Variants in CDH18 observed in about 807,000 individuals in gnomAD.
The protein encoded by CDH18 is cadherin 18.
Under a neutral mutation model 67.9 loss-of-function variants are expected in CDH18, and 31 were observed. The ratio of observed to expected loss-of-function variants is 0.46; its 90% CI spans 0.34 to 0.62. The LOEUF is 0.62. Among genes scored for constraint, CDH18 ranks in the 20% least tolerant of loss-of-function variants. The pLI is 0.01. For missense variants in CDH18, 890 were observed against 975.5 expected (o/e 0.91, Z 1.17); for synonymous variants, 362 against 347.2 (o/e 1.04, Z -0.48).
rs1756868135 is a variant in CDH18 at position 20,538,788 on chromosome 5, A to G, written c.-580+36674T>C. Among the ~76,000 whole-genome samples the G allele has an allele frequency of 3.3e-5, 5 of 152,136 alleles. 1 individual carries two copies. In the South Asian group the frequency reaches 1.0e-3, roughly 32 times the overall value. On this transcript the variant is annotated intron_variant, in intron 1 of 14. Coordinates refer to the CDH18 transcript ENST00000507958. The stretch of plus-strand genomic sequence containing the variant: ...AAATATTGCATGTTAGCTAATTTGA[A>G]GGTGTATATTGTGTGAATTTGATAA...
At chr5:20,223,244 G>A (rs1481426506) in intron 2 of CDH18, among the ~76,000 whole-genome samples, 1 of 152,068 alleles carries the variant, frequency 6.6e-6, no homozygotes, top group Non-Finnish European at 1.5e-5. Flanking sequence ...AGCCAAAGGA[G>A]ATCATTTTGG....
At chr5:20,101,564 G>A (rs59193608) in intron 2 of CDH18, among the ~76,000 whole-genome samples, 2,672 of 152,208 alleles carry the variant, frequency 0.018, 88 homozygotes, top group African/African-American at 0.06. Flanking sequence ...GGCATCAAAG[G>A]AGTAACATCA....
intron 1 of CDH18, among the ~76,000 whole-genome samples, chr5:20,405,123 T>G (rs1034991525): frequency 6.6e-6 from 1 of 152,044 alleles, no homozygotes; most frequent in Non-Finnish European, 1.5e-5. Flanking sequence ...GAGCCCACAT[T>G]GCCAAGTCAA....
At chr5:19,821,042 C>G (rs372328600) in intron 3 of CDH18, among the ~76,000 whole-genome samples, 2 of 152,128 alleles carry the variant, frequency 1.3e-5, no homozygotes, top group African/African-American at 4.8e-5. Context: ...TTAATTTAAT[C>G]TTTGGAGTAC....
At chr5:19,896,148 G>C (rs906685370) in intron 2 of CDH18, among the ~76,000 whole-genome samples, 3 of 152,094 alleles carry the variant, frequency 2.0e-5, no homozygotes, top group Non-Finnish European at 4.4e-5. Context: ...TCTGACGTCA[G>C]GAGTTTGAGA....
At chr5:20,063,718 G>A (rs1265522655) in intron 2 of CDH18, among the ~76,000 whole-genome samples, 1 of 152,082 alleles carries the variant, frequency 6.6e-6, no homozygotes, top group Non-Finnish European at 1.5e-5. Flanking sequence ...CACTAAACAA[G>A]ACACTAAATG....
chr5:19,767,658 TA>T lies in CDH18; in HGVS notation c.229-20423del, dbSNP rs539851466. Among the ~76,000 whole-genome samples the T allele has an allele frequency of 8.4e-4, 128 of 152,016 alleles. 3 individuals are homozygous for T. In the South Asian group the frequency reaches 0.023, roughly 27 times the overall value. ...AAAAACAGAGGGGACACAATTAAAATAAAAACAATATTGTAGACATCTACCA... is the reference window on the plus strand; with the variant it reads ...AAAAACAGAGGGGACACAATTAAAATAAAACAATATTGTAGACATCTACCA... On this transcript the variant is annotated intron_variant, in intron 3 of 12. Transcript: ENST00000382275.
intron 1 of CDH18, among the ~76,000 whole-genome samples, chr5:20,385,607 T>G (rs1744254088): frequency 6.6e-6 from 1 of 152,166 alleles, no homozygotes; most frequent in African/African-American, 2.4e-5. Flanking sequence ...TTTTGTAAAC[T>G]TTTGACTTAC....
At chr5:19,992,743 G>C (rs979127856), upstream of CDH18, among the ~76,000 whole-genome samples, 2 of 142,180 alleles carry the variant, frequency 1.4e-5, no homozygotes, top group African/African-American at 3.0e-5. Context: ...GGACATGCAA[G>C]ACTGGAAATA....
chr5:20,572,177 T>C (rs552331914), intron 1 of CDH18, among the ~76,000 whole-genome samples: 177 of 151,980 alleles, frequency 1.2e-3, no homozygotes, highest in Non-Finnish European at 1.5e-3. Flanking sequence ...GTGTGGATAG[T>C]AAAACATTCT....
At chr5:19,490,394 G>GGTTTTTT (rs1741223437) in intron 11 of CDH18, among the ~76,000 whole-genome samples, 42 of 60,214 alleles carry the variant, frequency 7.0e-4, no homozygotes, top group African/African-American at 2.7e-3. Flanking sequence ...ATAAAAATCT[G>GGTTTTTT]TTTTTTTTTT....
chr5:20,315,499 A>T (rs1479595658), intron 1 of CDH18, among the ~76,000 whole-genome samples: 2 of 152,116 alleles, frequency 1.3e-5, no homozygotes, highest in Non-Finnish European at 2.9e-5. Flanking sequence ...TAAATCCTAT[A>T]GTGTAAAAGC....
Position 20,509,422 on chromosome 5 carries a change from T to TC in CDH18, c.-580+66039_-580+66040insG, listed in dbSNP as rs36069562. Among the ~76,000 whole-genome samples, 161 of 151,240 alleles carry TC rather than the reference T, an allele frequency of 1.1e-3. 1 individual carries two copies. The highest frequency in any genetic ancestry group is 3.6e-3 in the African/African-American group (149 of 41,262). ...CAGGATTTCCCTTTTTTTTTTTTTT[T>TC]AGATGGAGTCTCATTCTGTCACCAG... On this transcript the variant is annotated intron_variant, in intron 1 of 14. Transcript: ENST00000507958.
chr5:19,977,901 C>A (rs1798653701), intron 2 of CDH18, among the ~76,000 whole-genome samples: 1 of 151,986 alleles, frequency 6.6e-6, no homozygotes, highest in South Asian at 2.1e-4. Context: ...TCATTCTAAG[C>A]CAATCTTTGT....
At chr5:20,257,135 A>G (rs985393566) in intron 1 of CDH18, among the ~76,000 whole-genome samples, 1 of 152,056 alleles carries the variant, frequency 6.6e-6, no homozygotes, top group African/African-American at 2.4e-5. Flanking sequence ...TCTTAAAACT[A>G]AGAGGTAAAT....
chr5:19,671,795 T>A (rs763663332), intron 5 of CDH18, among the ~76,000 whole-genome samples: 3 of 152,086 alleles, frequency 2.0e-5, no homozygotes, highest in African/African-American at 7.2e-5. Flanking sequence ...GAAAATTAAA[T>A]GCAAAGACCT....
intron 2 of CDH18, among the ~76,000 whole-genome samples, chr5:20,013,042 C>T (rs1737591747): frequency 6.6e-6 from 1 of 152,044 alleles, no homozygotes; most frequent in Non-Finnish European, 1.5e-5. Flanking sequence ...CCTGCACATC[C>T]TGCACATGTA....
intron 1 of CDH18, among the ~76,000 whole-genome samples, chr5:20,308,486 TGA>T (rs1335692351): frequency 6.7e-6 from 1 of 149,580 alleles, no homozygotes; most frequent in African/African-American, 2.5e-5. Context: ...GAGGTTGCAG[TGA>T]GTGGAGATCG....
chr5:20,443,081 G>C (rs1749731798), intron 1 of CDH18, among the ~76,000 whole-genome samples: 1 of 148,910 alleles, frequency 6.7e-6, no homozygotes, highest in South Asian at 2.1e-4. Context: ...GTAGTGGCGG[G>C]CGCCTGTAGT....
Sources: allele counts gnomAD v4.1 joint callset (sites outside exome capture counted in the v4.1 genomes callset), GRCh38; gene constraint gnomAD v4.1.1; transcripts MANE v1.5; gene names NCBI Gene and HGNC (gene_info 2026-07-23, HGNC 2026-07-21).